GALNT14: variants seen among roughly 807,000 people sequenced by gnomAD.
GALNT14 encodes UDP-GalNAc:polypeptide N-acetylgalactosaminyltransferase 14.
Under a neutral mutation model 77.5 loss-of-function variants are expected in GALNT14, and 60 were observed. The ratio of observed to expected loss-of-function variants is 0.77; its 90% CI spans 0.63 to 0.96. GALNT14 has a LOEUF of 0.96. Among genes scored for constraint, GALNT14 ranks in the 40% least tolerant of loss-of-function variants. The pLI, the probability that GALNT14 is intolerant of heterozygous loss-of-function variation, is 0.00. For missense variants in GALNT14, 710 were observed against 731.0 expected, an observed-to-expected ratio of 0.97 and a Z score of 0.33; for synonymous variants, 280 against 281.7, an observed-to-expected ratio of 0.99 and a Z score of 0.06.
At chr2:30,989,583 A>ATATATATATATATATATATATATATAT (rs56703340) in intron 2 of GALNT14, among the ~76,000 whole-genome samples, 15 of 91,828 alleles carry the variant, frequency 1.6e-4, no homozygotes, top group East Asian at 1.5e-3. Context: ...TATATATATA[A>ATATATATATATATATATATATATATAT]AAATATATAT....
At chr2:31,099,035 G>A (rs759544011) in intron 1 of GALNT14, among the ~76,000 whole-genome samples, 3 of 152,000 alleles carry the variant, frequency 2.0e-5, no homozygotes, top group Non-Finnish European at 4.4e-5. Flanking sequence ...AATCTGCATA[G>A]TTCAAACCCA....
intron 1 of GALNT14, among the ~76,000 whole-genome samples, chr2:31,000,439 G>A: frequency 8.8e-6 from 1 of 114,158 alleles, no homozygotes; most frequent in Non-Finnish European, 1.7e-5. Context: ...CACCAACTGT[G>A]TGTGTGTGTG....
At position 30,985,412 on chromosome 2, in the gene GALNT14, G is replaced by A. The variant is rs111938057; in HGVS notation, c.299+7426C>T. ...AGGAAATCAGGAGATCAAGACTGGG[G>A]AGGAATCCTGACCCAGAGGCCCTTG... is the stretch of plus-strand genomic sequence containing the variant. On this transcript the variant is annotated intron_variant, in intron 2 of 14. Coordinates refer to ENST00000349752, the MANE Select transcript of GALNT14 (RefSeq NM_024572.4). Among the ~76,000 whole-genome samples, 320 of 152,196 alleles carry A rather than the reference G, an allele frequency of 2.1e-3. 1 individual carries two copies. Among genetic ancestry groups the A allele is most frequent in the South Asian group, 7.3e-3 (35 of 4,820 alleles).
intron 1 of GALNT14, among the ~76,000 whole-genome samples, chr2:31,116,882 T>C (rs1252323482): frequency 6.6e-6 from 1 of 151,842 alleles, no homozygotes; most frequent in Non-Finnish European, 1.5e-5. Flanking sequence ...CTACTAAAAA[T>C]ACAAAATTAG....
chr2:30,988,475 G>A lies in GALNT14; in HGVS notation c.299+4363C>T, dbSNP rs1256067626. On this transcript the variant is annotated intron_variant, in intron 2 of 14. Coordinates refer to ENST00000349752, the MANE Select transcript of GALNT14 (RefSeq NM_024572.4). ...CATGGAGCCTGTGAATGAAGAACTGGGAAAGGAGGGAGGAGCAAGAAGGAA... is the reference window on the plus strand; with the variant it reads ...CATGGAGCCTGTGAATGAAGAACTGAGAAAGGAGGGAGGAGCAAGAAGGAA... Among the ~76,000 whole-genome samples the A allele has an allele frequency of 9.2e-5, 14 of 152,324 alleles. No homozygotes were observed. The East Asian group carries it at 2.1e-3, about 23-fold the overall frequency.
intron 2 of GALNT14, among the ~76,000 whole-genome samples, chr2:30,973,783 C>G (rs894647919): frequency 6.6e-6 from 1 of 152,204 alleles, no homozygotes; most frequent in Non-Finnish European, 1.5e-5. Flanking sequence ...TAAACATATA[C>G]TGCTCTTATT....
chr2:30,910,854 C>A lies in GALNT14; in HGVS notation c.*47G>T. 6.3e-7 allele frequency: 1 copy of A among 1,599,168 alleles called. No homozygotes were observed. The highest frequency in any genetic ancestry group is 1.1e-5 in the South Asian group (1 of 89,072). On this transcript the variant is annotated 3_prime_UTR_variant, in exon 15 of 15. Coordinates refer to ENST00000349752, the MANE Select transcript of GALNT14 (RefSeq NM_024572.4). ...TGCCCAGTTTCCAGTCTGTTCTGGTCCAGGGAAGCACCACCCCATGGCCCT... is the reference window on the plus strand; with the variant it reads ...TGCCCAGTTTCCAGTCTGTTCTGGTACAGGGAAGCACCACCCCATGGCCCT...
intron 1 of GALNT14, among the ~76,000 whole-genome samples, chr2:31,061,480 A>G (rs1293438740): frequency 6.6e-6 from 1 of 152,172 alleles, no homozygotes; most frequent in Admixed American, 6.5e-5. Flanking sequence ...TCACTCCAAC[A>G]TGCAGTCTCA....
intron 1 of GALNT14, among the ~76,000 whole-genome samples, chr2:31,081,365 T>C (rs75387476): frequency 0.027 from 4,131 of 152,360 alleles, 90 homozygotes; most frequent in Non-Finnish European, 0.048. Context: ...TGATTCAGTC[T>C]AAACTTGGAA....
chr2:30,952,399 G>A (rs1478828821), intron 6 of GALNT14, among the ~76,000 whole-genome samples: 1 of 151,332 alleles, frequency 6.6e-6, no homozygotes, highest in Non-Finnish European at 1.5e-5. Flanking sequence ...AGAAAATGTG[G>A]CACATATACA....
intron 1 of GALNT14, among the ~76,000 whole-genome samples, chr2:31,044,089 T>C (rs569439906): frequency 6.6e-6 from 1 of 152,354 alleles, no homozygotes; most frequent in African/African-American, 2.4e-5. Flanking sequence ...GACCCTTTAA[T>C]CATCCAAAGA....
chr2:31,108,991 A>G (rs1021172407), intron 1 of GALNT14, among the ~76,000 whole-genome samples: 7 of 152,206 alleles, frequency 4.6e-5, no homozygotes, highest in African/African-American at 1.7e-4. Flanking sequence ...AACCACGGAG[A>G]GGGCAAGTAG....
At chr2:30,999,978 C>T (rs999273342) in intron 1 of GALNT14, among the ~76,000 whole-genome samples, 7 of 152,332 alleles carry the variant, frequency 4.6e-5, no homozygotes, top group Admixed American at 4.6e-4. Context: ...GTTGGAGCCA[C>T]ACATGTTTTG....
At chr2:30,887,691 G>T in the GALNT14 span, among the ~76,000 whole-genome samples, 1 of 152,054 alleles carries the variant, frequency 6.6e-6, no homozygotes, top group Non-Finnish European at 1.5e-5. Flanking sequence ...ACCTTTTGAC[G>T]CACATAAGTT....
Position 30,910,809 on chromosome 2 carries a change from G to A in GALNT14, c.*92C>T, listed in dbSNP as rs1202701136. On this transcript the variant is annotated 3_prime_UTR_variant, in exon 15 of 15. Transcript: ENST00000349752. ...CCACCTCCCAGTCCAGGATGTCTGA[G>A]GTGGTTGCAGGCTGCTTGCTGCCCA... 1.4e-6 allele frequency: 2 copies of A among 1,392,178 alleles called. No individual in the cohort carries two copies. The highest frequency in any genetic ancestry group is 4.0e-5 in the Admixed American group (2 of 49,664). 86.2% of individuals were successfully genotyped at this position (1,392,178 alleles called of 1,614,324 possible). A position where few individuals can be genotyped will look rare whatever the true frequency, so the allele number is the denominator to read the frequency against.
chr2:30,972,592 A>G (rs780157745), intron 2 of GALNT14, among the ~76,000 whole-genome samples: 7 of 152,244 alleles, frequency 4.6e-5, no homozygotes, highest in Non-Finnish European at 5.9e-5. Flanking sequence ...ACTCACTCCA[A>G]CTAGCAAAGG....
chr2:30,965,492 T>C (rs2148340938), intron 3 of GALNT14, among the ~76,000 whole-genome samples: 1 of 152,042 alleles, frequency 6.6e-6, no homozygotes, highest in South Asian at 2.1e-4. Flanking sequence ...CCAGAGTCTT[T>C]GGAGAATCTG....
chr2:31,059,580 C>A (rs893586495), intron 1 of GALNT14, among the ~76,000 whole-genome samples: 5 of 152,118 alleles, frequency 3.3e-5, no homozygotes, highest in Non-Finnish European at 5.9e-5. Flanking sequence ...GTGGCACATG[C>A]CTTGAGTCCC....
At chr2:30,899,154 T>C in the GALNT14 span, among the ~76,000 whole-genome samples, 1 of 152,192 alleles carries the variant, frequency 6.6e-6, no homozygotes, top group Non-Finnish European at 1.5e-5. Context: ...AGGTCACACA[T>C]GGTCACACTA....
Sources: allele counts gnomAD v4.1 joint callset (sites outside exome capture counted in the v4.1 genomes callset), GRCh38; gene constraint gnomAD v4.1.1; transcripts MANE v1.5; gene names NCBI Gene and HGNC (gene_info 2026-07-23, HGNC 2026-07-21).